The following RPS6KA2 variants were observed in gnomAD, a reference collection of about 807,000 sequenced individuals.
RPS6KA2 encodes ribosomal protein S6 kinase A2.
RPS6KA2 carries 42 observed loss-of-function variants against 91.8 expected under a neutral mutation model. The observed-to-expected ratio is 0.46, with a 90% CI of 0.36 to 0.59. The LOEUF (loss-of-function observed/expected upper bound fraction) is 0.59, where lower values mean the gene tolerates loss of function less well. Among genes scored for constraint, RPS6KA2 ranks in the 20% least tolerant of loss-of-function variants. The pLI is 0.00. For missense variants in RPS6KA2, 798 were observed against 978.5 expected (o/e 0.82, Z 2.46); for synonymous variants, 414 against 393.6 (o/e 1.05, Z -0.61).
intron 2 of RPS6KA2, among the ~76,000 whole-genome samples, chr6:166,716,426 A>G (rs1790015071): frequency 6.6e-6 from 1 of 152,190 alleles, no homozygotes; most frequent in African/African-American, 2.4e-5. Flanking sequence ...CCTGGCCAGG[A>G]CATCATCCCA....
chr6:166,746,645 C>T (rs1045811755), intron 2 of RPS6KA2, among the ~76,000 whole-genome samples: 1 of 152,236 alleles, frequency 6.6e-6, no homozygotes, highest in African/African-American at 2.4e-5. Flanking sequence ...TCGTAAGCCC[C>T]AGGCTGTAGC....
intron 3 of RPS6KA2, among the ~76,000 whole-genome samples, chr6:166,526,667 G>A (rs1404504708): frequency 6.6e-6 from 1 of 152,010 alleles, no homozygotes; most frequent in African/African-American, 2.4e-5. Flanking sequence ...CATTTTCATA[G>A]CATAAAAATA....
chr6:166,513,143 G>T (rs958969895), intron 3 of RPS6KA2, among the ~76,000 whole-genome samples: 2 of 152,356 alleles, frequency 1.3e-5, no homozygotes, highest in South Asian at 4.1e-4. Flanking sequence ...GGGTTGGGCT[G>T]CATTAAAAGC....
intron 2 of RPS6KA2, among the ~76,000 whole-genome samples, chr6:166,802,954 A>ATG (rs1779408245): frequency 6.6e-6 from 1 of 151,274 alleles, no homozygotes; most frequent in South Asian, 2.1e-4. Context: ...GTATATATAT[A>ATG]TATATATATA....
chr6:166,757,390 G>C, intron 2 of RPS6KA2: 1 of 402,974 alleles, frequency 2.5e-6, no homozygotes. Context: ...CTGTGTTCAT[G>C]ATCTGTGAGA....
chr6:166,701,582 C>G, intron 2 of RPS6KA2: 1 of 1,385,120 alleles, frequency 7.2e-7, no homozygotes, highest in Admixed American at 1.7e-5. Flanking sequence ...AGGGCTCTGA[C>G]TGATAGAGCC....
chr6:166,681,871 C>T (rs949459293), intron 2 of RPS6KA2, among the ~76,000 whole-genome samples: 2 of 152,108 alleles, frequency 1.3e-5, no homozygotes, highest in South Asian at 4.1e-4. Flanking sequence ...ATGCCTTGTC[C>T]ACCAGCAGCT....
At chr6:166,485,190 A>G (rs746323563) in intron 10 of RPS6KA2, among the ~76,000 whole-genome samples, 1 of 152,262 alleles carries the variant, frequency 6.6e-6, no homozygotes, top group East Asian at 1.9e-4. Context: ...CCACAGACAC[A>G]ATAAAGGTGC....
rs10533292 is a variant in RPS6KA2, at chr6:166,492,720, C to CT, written c.748-1980dup. Among the ~76,000 whole-genome samples, 915 of 141,162 alleles carry CT rather than the reference C, an allele frequency of 6.5e-3. 15 individuals carry two copies. Among genetic ancestry groups the CT allele is most frequent in the Middle Eastern group, 0.025 (7 of 282 alleles). The allele number at this position is 141,162 out of a possible 152,430, so 92.6% of individuals were successfully genotyped here. On this transcript the variant is annotated intron_variant, in intron 8 of 20. Coordinates refer to ENST00000265678, the MANE Select transcript of RPS6KA2 (RefSeq NM_021135.6). The stretch of plus-strand genomic sequence containing the variant: ...TTGTTTGGTGATTTCTTTTTCTTTT[C>CT]TTTTTTTTTTTTTTTGAGATGGAGT...
intron 2 of RPS6KA2, among the ~76,000 whole-genome samples, chr6:166,823,140 G>T (rs1779945891): frequency 6.6e-6 from 1 of 152,164 alleles, no homozygotes; most frequent in Admixed American, 6.5e-5. Flanking sequence ...TGAGACAGGG[G>T]ACCATGTTCA....
chr6:166,846,298 C>A (rs542903148), intron 2 of RPS6KA2, among the ~76,000 whole-genome samples: 5 of 151,944 alleles, frequency 3.3e-5, no homozygotes, highest in African/African-American at 4.8e-5. Flanking sequence ...AGAATTGGAA[C>A]CAAGCCTATT....
intron 14 of RPS6KA2, among the ~76,000 whole-genome samples, chr6:166,438,301 A>G (rs572059049): frequency 1.5e-4 from 23 of 152,338 alleles, no homozygotes; most frequent in African/African-American, 5.3e-4. Context: ...AATTACACAC[A>G]CAGTGTGAAG....
intron 2 of RPS6KA2, chr6:166,701,053 T>C (rs979262439): frequency 1.0e-5 from 14 of 1,404,344 alleles, no homozygotes; most frequent in Non-Finnish European, 1.4e-5. Context: ...AATCTGTCTT[T>C]GGTTTGGCAT....
At chr6:166,565,224 C>A (rs57559140) in intron 1 of RPS6KA2, among the ~76,000 whole-genome samples, 3 of 152,166 alleles carry the variant, frequency 2.0e-5, no homozygotes, top group African/African-American at 7.2e-5. Flanking sequence ...TTTAAGTCAC[C>A]GCCAATTCCA....
At chr6:166,696,015 G>C (rs1789349846) in intron 2 of RPS6KA2, among the ~76,000 whole-genome samples, 1 of 152,214 alleles carries the variant, frequency 6.6e-6, no homozygotes, top group Non-Finnish European at 1.5e-5. Flanking sequence ...AGGTGGAACA[G>C]CTTCATCCCC....
rs567866536 is a variant in RPS6KA2 at position 166,756,958 on chromosome 6, C to T, written c.123+101242G>A. ...GAGCTTCAGTTTGGGATGATGAAAA[C>T]GTCGCGGAGATGGCGGTGGTGGTGG... On this transcript the variant is annotated intron_variant, in intron 2 of 21. Coordinates refer to the RPS6KA2 transcript ENST00000503859. 5.3e-5 allele frequency among the ~76,000 whole-genome samples: 8 copies of T among 152,300 alleles called. No homozygotes were observed. In the South Asian group the frequency reaches 8.3e-4, roughly 16 times the overall value.
intron 17 of RPS6KA2, 101 bp from the exon 18 acceptor site, chr6:166,420,059 A>T (rs1326152186): frequency 2.7e-6 from 3 of 1,122,910 alleles, no homozygotes; most frequent in Non-Finnish European, 4.0e-6. Context: ...GCTGGGGACC[A>T]GGAGGAGGGC....
At chr6:166,753,409 A>G (rs73788124) in intron 2 of RPS6KA2, among the ~76,000 whole-genome samples, 2,590 of 152,300 alleles carry the variant, frequency 0.017, 69 homozygotes, top group African/African-American at 0.06. Flanking sequence ...ACTTTAAAAC[A>G]TGTGTAATGC....
intron 1 of RPS6KA2, among the ~76,000 whole-genome samples, chr6:166,600,165 C>T (rs578202732): frequency 1.8e-3 from 270 of 152,272 alleles, no homozygotes; most frequent in Non-Finnish European, 2.3e-3. Flanking sequence ...TGCACCACCA[C>T]GCCTGGCTAA....
Sources: allele counts gnomAD v4.1 joint callset (sites outside exome capture counted in the v4.1 genomes callset), GRCh38; gene constraint gnomAD v4.1.1; transcripts MANE v1.5; gene names NCBI Gene and HGNC (gene_info 2026-07-23, HGNC 2026-07-21).